BAZ2B: variants seen among roughly 807,000 people sequenced by gnomAD.
BAZ2B encodes bromodomain adjacent to zinc finger domain protein 2B.
A neutral mutation model predicts 246.0 loss-of-function variants in BAZ2B; 91 were observed. That is an observed-to-expected ratio of 0.37 (90% CI 0.31 to 0.44). The LOEUF is 0.44. Among genes scored for constraint, BAZ2B ranks in the 20% least tolerant of loss-of-function variants. BAZ2B has a pLI of 1.00. For missense variants in BAZ2B, 2,332 were observed against 2,533.7 expected, an observed-to-expected ratio of 0.92 and a Z score of 1.71; for synonymous variants, 855 against 860.0, an observed-to-expected ratio of 0.99 and a Z score of 0.10.
intron 2 of BAZ2B, chr2:159,516,713 T>C (rs1414748257): frequency 6.6e-6 from 1 of 152,540 alleles, no homozygotes; most frequent in African/African-American, 2.4e-5. Context: ...AATGCTCACG[T>C]GATAAAACTA....
In BAZ2B at chr2:159,382,810, T is replaced by A; in HGVS notation, c.3762-8A>T. 6.2e-7 allele frequency: 1 copy of A among 1,608,754 alleles called. No individual in the cohort carries two copies. Among genetic ancestry groups the A allele is most frequent in the Non-Finnish European group, 8.5e-7 (1 of 1,177,414 alleles). On this transcript the variant is annotated splice_region_variant and splice_polypyrimidine_tract_variant and intron_variant, in intron 24 of 36. Transcript: ENST00000392783. ...GCATGAATGATTCTGAGCCTTTAAA[T>A]ATTATGAAAAGTGATGACAAGGAAA...
intron 3 of BAZ2B, among the ~76,000 whole-genome samples, chr2:159,477,263 C>T (rs1003335023): frequency 2.0e-5 from 3 of 151,850 alleles, no homozygotes. Context: ...CAAGATTGTG[C>T]CACTGCACTC....
At chr2:159,483,893 T>TAA (rs75620176) in intron 2 of BAZ2B, among the ~76,000 whole-genome samples, 1 of 142,958 alleles carries the variant, frequency 7.0e-6, no homozygotes, top group African/African-American at 2.6e-5. Flanking sequence ...AACACTATAG[T>TAA]AAAAAAAAAA....
chr2:159,440,272 T>C (rs1365949569), intron 6 of BAZ2B, among the ~76,000 whole-genome samples: 4 of 152,034 alleles, frequency 2.6e-5, no homozygotes, highest in South Asian at 2.1e-4. Flanking sequence ...GAACAAAATA[T>C]AGAAAAAATA....
the BAZ2B span, among the ~76,000 whole-genome samples, chr2:159,703,657 G>C: frequency 1.3e-5 from 2 of 152,222 alleles, no homozygotes; most frequent in South Asian, 2.1e-4. Context: ...GCTGAGGTGA[G>C]CAGATTGCTT....
chr2:159,438,610 A>G lies in BAZ2B; in HGVS notation c.986T>C (p.Leu329Ser), dbSNP rs2072835798. The G allele has an allele frequency of 1.2e-6, 2 of 1,614,016 alleles. No individual in the cohort carries two copies. The highest frequency in any genetic ancestry group is 1.7e-5 in the Admixed American group (1 of 60,012). The change falls in exon 8 of 37, where the codon TTA (leucine) becomes TCA (serine). Residue 329 changes from leucine (L) to serine (S), a missense_variant. Coordinates refer to ENST00000392783, the MANE Select transcript of BAZ2B (RefSeq NM_013450.4). The part of the protein sequence containing the change: ...KAQEKRIHQP[L>S]PLASESQTHS... ...AGTCTGGGATTCAGACGCAAGAGGT[A>G]ATGGCTGGTGTATTCTTTTTTCCTG... is the stretch of plus-strand genomic sequence containing the variant.
chr2:159,495,631 A>G (rs1209353681), intron 2 of BAZ2B, among the ~76,000 whole-genome samples: 1 of 151,552 alleles, frequency 6.6e-6, no homozygotes. Context: ...AATTTTAATT[A>G]TTTGCTAATT....
intron 6 of BAZ2B, among the ~76,000 whole-genome samples, chr2:159,439,722 A>T (rs986138508): frequency 6.6e-5 from 10 of 152,196 alleles, no homozygotes; most frequent in African/African-American, 2.2e-4. Flanking sequence ...CAAATGCTTA[A>T]TATAAAAGCA....
At chr2:159,324,733 T>C (rs1031331316) in intron 36 of BAZ2B, 78 bp downstream of exon 36, 1 of 1,032,606 alleles carries the variant, frequency 9.7e-7, no homozygotes, top group Non-Finnish European at 1.3e-6. Context: ...AATTAAAATA[T>C]CTTTGGCTCA....
the BAZ2B span, among the ~76,000 whole-genome samples, chr2:159,646,681 G>T: frequency 1.3e-5 from 2 of 152,104 alleles, no homozygotes; most frequent in Non-Finnish European, 2.9e-5. Context: ...GCTTCAGCTG[G>T]TTCCTCTGTT....
chr2:159,609,919 C>T (rs1267570154), intron 1 of BAZ2B, among the ~76,000 whole-genome samples: 3 of 152,100 alleles, frequency 2.0e-5, no homozygotes, highest in Admixed American at 1.3e-4. Context: ...TATGAATATG[C>T]AACCAATTCA....
the BAZ2B span, among the ~76,000 whole-genome samples, chr2:159,670,304 C>T: frequency 6.6e-6 from 1 of 152,138 alleles, no homozygotes; most frequent in African/African-American, 2.4e-5. Flanking sequence ...AATTTAAATA[C>T]TCTTTAGTAC....
chr2:159,571,506 T>C (rs34172554), intron 1 of BAZ2B, among the ~76,000 whole-genome samples: 9,937 of 152,228 alleles, frequency 0.065, 422 homozygotes, highest in Middle Eastern at 0.19. Flanking sequence ...GACAGCATCA[T>C]CATGGGTCTG....
At chr2:159,510,345 G>C (rs924323607) in intron 2 of BAZ2B, among the ~76,000 whole-genome samples, 2 of 151,904 alleles carry the variant, frequency 1.3e-5, no homozygotes, top group Non-Finnish European at 2.9e-5. Context: ...TTTTATTTTT[G>C]TAGAGCAAAG....
chr2:159,452,860 G>A (rs2075269652), intron 4 of BAZ2B, among the ~76,000 whole-genome samples: 1 of 152,212 alleles, frequency 6.6e-6, no homozygotes, highest in Admixed American at 6.5e-5. Context: ...AGCACTCTGT[G>A]AGGCCGAGGT....
chr2:159,415,025 TG>T (rs2067443473), intron 13 of BAZ2B, among the ~76,000 whole-genome samples: 1 of 152,042 alleles, frequency 6.6e-6, no homozygotes, highest in South Asian at 2.1e-4. Flanking sequence ...AAAACAGTAT[TG>T]GTCAAAATGA....
intron 33 of BAZ2B, among the ~76,000 whole-genome samples, chr2:159,336,464 T>A (rs2065683873): frequency 6.6e-6 from 1 of 152,186 alleles, no homozygotes; most frequent in African/African-American, 2.4e-5. Context: ...GTCAACCACA[T>A]CTGATGCCAA....
chr2:159,496,316 C>T (rs1249374554), intron 2 of BAZ2B, among the ~76,000 whole-genome samples: 3 of 139,046 alleles, frequency 2.2e-5, no homozygotes, highest in African/African-American at 8.1e-5. Flanking sequence ...GCGGAGGTTG[C>T]AGTAAGCCAA....
intron 13 of BAZ2B, among the ~76,000 whole-genome samples, chr2:159,414,682 T>A (rs1469140641): frequency 6.6e-6 from 1 of 151,838 alleles, no homozygotes; most frequent in Non-Finnish European, 1.5e-5. Flanking sequence ...CTGGGCACGG[T>A]GGCGGGTGCC....
Sources: allele counts gnomAD v4.1 joint callset (sites outside exome capture counted in the v4.1 genomes callset), GRCh38; gene constraint gnomAD v4.1.1; transcripts MANE v1.5; gene names NCBI Gene and HGNC (gene_info 2026-07-23, HGNC 2026-07-21).